The following ELF1 variants were observed in gnomAD, a reference collection of about 807,000 sequenced individuals.
ELF1 encodes the protein E74 like ETS transcription factor 1.
ELF1 carries 24 observed loss-of-function variants against 59.9 expected under a neutral mutation model. The ratio of observed to expected loss-of-function variants is 0.40; its 90% CI spans 0.29 to 0.56. The LOEUF is 0.56. ELF1 is among the 20% of genes least tolerant of loss of function. ELF1 has a pLI of 0.44. For synonymous variants in ELF1, 248 were observed against 266.2 expected (o/e 0.93, Z 0.67); for missense variants, 627 against 742.2 (o/e 0.84, Z 1.80).
At chr13:40,940,785 A>C in intron 8 of ELF1, 136 bp downstream of exon 8, 1 of 995,122 alleles carries the variant, frequency 1.0e-6, no homozygotes, top group Non-Finnish European at 1.4e-6. Flanking sequence ...GCTCCTGAAA[A>C]ATCTGGTAAC....
chr13:40,993,786 G>C (rs1390198783), intron 1 of ELF1, among the ~76,000 whole-genome samples: 2 of 152,024 alleles, frequency 1.3e-5, no homozygotes, highest in Non-Finnish European at 2.9e-5. Context: ...CACCTGGCCG[G>C]GTTCTTTAAT....
At chr13:41,002,620 A>T (rs1017818253) in intron 1 of ELF1, among the ~76,000 whole-genome samples, 15 of 151,752 alleles carry the variant, frequency 9.9e-5, no homozygotes, top group Admixed American at 2.6e-4. Context: ...CCATCTCAAA[A>T]AAATAAATAA....
At chr13:41,048,965 AT>A (rs1876975166) in intron 1 of ELF1, among the ~76,000 whole-genome samples, 1 of 152,190 alleles carries the variant, frequency 6.6e-6, no homozygotes, top group Non-Finnish European at 1.5e-5. Flanking sequence ...ACTAAAGTTA[AT>A]GACCTCCCAG....
chr13:40,999,995 GA>G (rs1352940983), intron 1 of ELF1, among the ~76,000 whole-genome samples: 1 of 152,098 alleles, frequency 6.6e-6, no homozygotes, highest in Non-Finnish European at 1.5e-5. Context: ...TGAAATATAT[GA>G]ACTGTTGCAT....
intron 8 of ELF1, among the ~76,000 whole-genome samples, chr13:40,936,839 C>T (rs932476594): frequency 7.3e-5 from 11 of 150,182 alleles, no homozygotes; most frequent in South Asian, 2.1e-4. Flanking sequence ...CCCAGCAACT[C>T]GGGAGGCTGA....
upstream of ELF1, among the ~76,000 whole-genome samples, chr13:41,021,845 T>G (rs1875703146): frequency 6.6e-6 from 1 of 151,946 alleles, no homozygotes; most frequent in Non-Finnish European, 1.5e-5. Flanking sequence ...ACATCAATAC[T>G]CAATAGGGAA....
At chr13:40,977,538 G>GT (rs1872988093) in intron 2 of ELF1, among the ~76,000 whole-genome samples, 1 of 152,114 alleles carries the variant, frequency 6.6e-6, no homozygotes, top group South Asian at 2.1e-4. Context: ...CCTATTAATA[G>GT]TGTCAGTTTC....
intron 1 of ELF1, among the ~76,000 whole-genome samples, chr13:40,997,919 G>C (rs192861322): frequency 6.6e-6 from 1 of 152,240 alleles, no homozygotes; most frequent in Non-Finnish European, 1.5e-5. Context: ...GGGAGGCCGA[G>C]GTGGTCAGAT....
At chr13:41,060,826 G>T (rs147882882) in intron 1 of ELF1, 4 of 250,712 alleles carry the variant, frequency 1.6e-5, no homozygotes, top group East Asian at 8.8e-5. Context: ...ATGAGAAACT[G>T]CCGTGACCCA....
At chr13:40,979,680 G>C (rs1873143185) in intron 2 of ELF1, among the ~76,000 whole-genome samples, 1 of 152,102 alleles carries the variant, frequency 6.6e-6, no homozygotes, top group Admixed American at 6.5e-5. Context: ...AAACAAATGA[G>C]ACACAAAAAA....
Position 40,934,367 on chromosome 13 carries a change from G to A in ELF1, c.1257-339C>T, listed in dbSNP as rs964447948. On this transcript the variant is annotated intron_variant, in intron 8 of 8. Coordinates refer to ENST00000239882, the MANE Select transcript of ELF1 (RefSeq NM_172373.4). ...AATGCTTAGCAAGAAGTTTGCATGAGCTTCTTAAAATTAGGAATTTAAAAG... is the reference window on the plus strand; with the variant it reads ...AATGCTTAGCAAGAAGTTTGCATGAACTTCTTAAAATTAGGAATTTAAAAG... Among the ~76,000 whole-genome samples, 243 of 147,310 alleles carry A rather than the reference G, an allele frequency of 1.6e-3. 1 individual carries two copies. The highest frequency in any genetic ancestry group is 5.9e-3 in the African/African-American group (238 of 40,570).
chr13:41,061,349 G>A, exon 1 of ELF1: 4 of 469,132 alleles, frequency 8.5e-6, no homozygotes, highest in South Asian at 2.5e-5. Context: ...TGAGGCTTGA[G>A]ATCCCGTCCT....
chr13:40,956,930 G>C (rs1323410686), intron 3 of ELF1, among the ~76,000 whole-genome samples: 1 of 151,348 alleles, frequency 6.6e-6, no homozygotes, highest in Non-Finnish European at 1.5e-5. Context: ...GACCTCAAGT[G>C]ATCTGCCCAC....
At chr13:40,949,431 C>T (rs1048572828) in intron 5 of ELF1, among the ~76,000 whole-genome samples, 4 of 151,920 alleles carry the variant, frequency 2.6e-5, no homozygotes, top group South Asian at 2.1e-4. Context: ...GACCTTAGCT[C>T]GCTGAAACCT....
chr13:40,995,387 T>C (rs919925882), intron 1 of ELF1, among the ~76,000 whole-genome samples: 1 of 152,180 alleles, frequency 6.6e-6, no homozygotes, highest in African/African-American at 2.4e-5. Flanking sequence ...GAGGAAATGG[T>C]AGTCAGATTT....
chr13:40,962,863 C>G (rs1871931529), intron 2 of ELF1, among the ~76,000 whole-genome samples: 1 of 152,150 alleles, frequency 6.6e-6, no homozygotes, highest in Non-Finnish European at 1.5e-5. Flanking sequence ...GTTGATCCTA[C>G]AGGCCCTTCC....
At chr13:41,045,741 A>G (rs1489375936) in intron 1 of ELF1, among the ~76,000 whole-genome samples, 1 of 152,198 alleles carries the variant, frequency 6.6e-6, no homozygotes, top group Non-Finnish European at 1.5e-5. Context: ...TGGTGCTGAG[A>G]AGAATGTATA....
At chr13:40,941,487 G>T in intron 7 of ELF1, 117 bp from the exon 8 acceptor site, 2 of 951,416 alleles carry the variant, frequency 2.1e-6, no homozygotes, top group East Asian at 2.5e-5. Context: ...AATGAGAAAA[G>T]AATTTCTAAA....
chr13:40,955,938 G>A (rs539057322), intron 3 of ELF1, among the ~76,000 whole-genome samples: 47,134 of 88,516 alleles, frequency 0.53, 15,941 homozygotes, highest in Non-Finnish European at 0.71. Context: ...CGCCCCGTCC[G>A]GGAGGGAGGC....
Sources: allele counts gnomAD v4.1 joint callset (sites outside exome capture counted in the v4.1 genomes callset), GRCh38; gene constraint gnomAD v4.1.1; transcripts MANE v1.5; gene names NCBI Gene and HGNC (gene_info 2026-07-23, HGNC 2026-07-21).